Variants in MAN2B2 observed in about 807,000 individuals in gnomAD.
MAN2B2 encodes epididymis-specific alpha-mannosidase.
In MAN2B2, 106 loss-of-function variants were observed where a neutral mutation model predicts 117.1. The observed-to-expected ratio is 0.90, with a 90% confidence interval of 0.77 to 1.06. MAN2B2 has a LOEUF of 1.06. Ranked by LOEUF, MAN2B2 falls within the 50% of genes least tolerant of loss-of-function variation. The pLI is 0.00. For synonymous variants in MAN2B2, 544 were observed against 595.1 expected, an observed-to-expected ratio of 0.91 and a Z score of 1.25; for missense variants, 1,326 against 1,381.4, an observed-to-expected ratio of 0.96 and a Z score of 0.64.
At position 6,589,533 on chromosome 4, in the gene MAN2B2, G is replaced by A. The variant is rs114543862; in HGVS notation, c.680+373G>A. Among the ~76,000 whole-genome samples, 469 of 152,222 alleles carry A rather than the reference G, an allele frequency of 3.1e-3. 5 individuals carry two copies. The highest frequency in any genetic ancestry group is 0.011 in the African/African-American group (440 of 41,540). ...TAGGATTATAGGCATGAGCCGCCGC[G>A]CCCAGCCCTATTCTGCAGTTTTTGA... is the stretch of plus-strand genomic sequence containing the variant. On this transcript the variant is annotated intron_variant, in intron 5 of 18. Transcript: ENST00000285599.
At chr4:6,576,446 G>GT in intron 1 of MAN2B2, 132 bp from the exon 2 acceptor site, 2 of 1,054,294 alleles carry the variant, frequency 1.9e-6, no homozygotes, top group Non-Finnish European at 1.4e-6. Flanking sequence ...TAATAGCTGT[G>GT]TGGGGGGTGA....
Position 6,605,100 on chromosome 4 carries a change from C to T in MAN2B2, c.1585C>T (p.Leu529=). The T allele has an allele frequency of 6.2e-7, 1 of 1,614,120 alleles. No homozygotes were observed. The highest frequency in any genetic ancestry group is 8.5e-7 in the Non-Finnish European group (1 of 1,179,956). Residue 529 remains leucine, a synonymous_variant, in exon 11 of 19, where the codon CTG becomes TTG. Transcript: ENST00000285599. ...ETPSAYDLLI[L]TTIPGLSYRH... Reference sequence around the variant, plus strand: ...CCCATCTGCGTATGACCTGCTTATTCTGACCACAATCCCAGGCCTCAGTTA... The same window carrying T: ...CCCATCTGCGTATGACCTGCTTATTTTGACCACAATCCCAGGCCTCAGTTA...
At chr4:6,583,154 T>C (rs940645640) in intron 3 of MAN2B2, among the ~76,000 whole-genome samples, 4 of 152,132 alleles carry the variant, frequency 2.6e-5, no homozygotes, top group African/African-American at 9.7e-5. Context: ...AGCTAGGGGA[T>C]AGGGAATGGT....
Position 6,578,511 on chromosome 4 carries a change from T to G in MAN2B2, c.391+13T>G, listed in dbSNP as rs761746166. 5.6e-6 allele frequency: 9 copies of G among 1,608,300 alleles called. No individual in the cohort carries two copies. Among genetic ancestry groups the G allele is most frequent in the Non-Finnish European group, 7.6e-6 (9 of 1,176,624 alleles). ...CTGCAGCTCACAGGTTTGGCCACCC[T>G]ACCCTGCACCCAGGGTCCCTCAGGA... On this transcript the variant is annotated intron_variant, in intron 3 of 18. Coordinates refer to ENST00000285599, the MANE Select transcript of MAN2B2 (RefSeq NM_015274.3).
rs1712194722 is a variant in MAN2B2, at chr4:6,621,924, T to G, written c.*639T>G. 1 of 152,276 alleles carries G rather than the reference T, an allele frequency of 6.6e-6. No homozygotes were observed. The highest frequency in any genetic ancestry group is 2.1e-4 in the South Asian group (1 of 4,840). 9.4% of individuals were successfully genotyped at this position (152,276 alleles called of 1,614,324 possible). On this transcript the variant is annotated 3_prime_UTR_variant, in exon 19 of 19. Coordinates refer to ENST00000285599, the MANE Select transcript of MAN2B2 (RefSeq NM_015274.3). Reference sequence around the variant, plus strand: ...ATGTCCAATATCAGAACTATTAATATCAATAAAAGTATAACCTTCCCAGGT... The same window carrying G: ...ATGTCCAATATCAGAACTATTAATAGCAATAAAAGTATAACCTTCCCAGGT...
At chr4:6,601,136 CAA>C (rs1476035461) in intron 10 of MAN2B2, among the ~76,000 whole-genome samples, 8 of 152,182 alleles carry the variant, frequency 5.3e-5, no homozygotes, top group Non-Finnish European at 1.2e-4. Context: ...CACACACACA[CAA>C]GTTTGATAAT....
At chr4:6,617,230 G>A (rs1453788257) in intron 16 of MAN2B2, 150 bp from the exon 17 acceptor site, 7 of 606,838 alleles carry the variant, frequency 1.2e-5, no homozygotes, top group Admixed American at 3.0e-5. Flanking sequence ...TACAATTCAC[G>A]ATGAGATTTG....
intron 3 of MAN2B2, among the ~76,000 whole-genome samples, chr4:6,582,382 A>G (rs1487936571): frequency 2.0e-5 from 3 of 152,192 alleles, no homozygotes; most frequent in Non-Finnish European, 4.4e-5. Flanking sequence ...TCTGTCACTC[A>G]GGCTGGAGTG....
intron 10 of MAN2B2, among the ~76,000 whole-genome samples, chr4:6,602,305 A>T (rs1344111197): frequency 6.6e-6 from 1 of 152,128 alleles, no homozygotes; most frequent in Non-Finnish European, 1.5e-5. Flanking sequence ...TTTATTTCTC[A>T]CAGTTCTGGA....
chr4:6,592,394 G>A (rs764438932), intron 5 of MAN2B2, among the ~76,000 whole-genome samples: 1 of 152,184 alleles, frequency 6.6e-6, no homozygotes, highest in South Asian at 2.1e-4. Context: ...TGAGGTGGGA[G>A]GATTGCTTGA....
chr4:6,620,854 C>T (rs1443857434), intron 18 of MAN2B2: 5 of 255,130 alleles, frequency 2.0e-5, no homozygotes, highest in Non-Finnish European at 3.0e-5. Context: ...AGCTCTTGGG[C>T]TTTGAGGGCA....
intron 9 of MAN2B2, 74 bp from the exon 10 acceptor site, chr4:6,600,549 A>T: frequency 6.5e-7 from 1 of 1,546,774 alleles, no homozygotes; most frequent in Non-Finnish European, 8.9e-7. Context: ...CCTCATACTG[A>T]GGTGCAGCCA....
chr4:6,592,098 C>T (rs1726882943), intron 5 of MAN2B2, among the ~76,000 whole-genome samples: 1 of 152,238 alleles, frequency 6.6e-6, no homozygotes, highest in Non-Finnish European at 1.5e-5. Flanking sequence ...TCAGACGGCC[C>T]TGGGTTCAAA....
chr4:6,606,557 C>A (rs760550531), intron 11 of MAN2B2, among the ~76,000 whole-genome samples: 4 of 152,262 alleles, frequency 2.6e-5, no homozygotes, highest in African/African-American at 4.8e-5. Flanking sequence ...AAGCCAGGGT[C>A]CCACCCGGCA....
chr4:6,617,640 T>C, intron 17 of MAN2B2, 148 bp downstream of exon 17: 1 of 1,483,512 alleles, frequency 6.7e-7, no homozygotes, highest in Non-Finnish European at 9.0e-7. Flanking sequence ...CTTCATGGTC[T>C]TCTGGGTTTG....
intron 6 of MAN2B2, among the ~76,000 whole-genome samples, 156 bp from the exon 7 acceptor site, chr4:6,594,378 C>T (rs1266878495): frequency 1.3e-5 from 2 of 152,168 alleles, no homozygotes; most frequent in African/African-American, 4.8e-5. Flanking sequence ...GTTGCATGAG[C>T]CGAGATCAAG....
At chr4:6,595,029 C>T (rs1373881397) in intron 7 of MAN2B2, among the ~76,000 whole-genome samples, 1 of 152,192 alleles carries the variant, frequency 6.6e-6, no homozygotes, top group Non-Finnish European at 1.5e-5. Context: ...CTGGGAGCGG[C>T]CTCCATCACC....
At chr4:6,612,479 A>C (rs879499942) in intron 15 of MAN2B2, among the ~76,000 whole-genome samples, 1 of 152,198 alleles carries the variant, frequency 6.6e-6, no homozygotes, top group Admixed American at 6.5e-5. Context: ...GAGCCTGGAG[A>C]AGCTCATGGA....
chr4:6,605,459 G>A, intron 11 of MAN2B2, 130 bp downstream of exon 11: 2 of 1,047,748 alleles, frequency 1.9e-6, no homozygotes, highest in African/African-American at 1.6e-5. Context: ...ACCCCTTCCT[G>A]CTATTGTGAT....
Sources: gnomAD v4.1 joint callset for allele counts (sites outside exome capture counted in the v4.1 genomes callset) on GRCh38, gnomAD v4.1.1 for gene constraint, MANE v1.5 for transcripts, NCBI Gene and HGNC (gene_info 2026-07-23, HGNC 2026-07-21) for gene names.